The following SLC25A40 variants were observed in gnomAD, a reference collection of about 807,000 sequenced individuals.
SLC25A40 encodes mitochondrial glutathione transporter SLC25A40.
A neutral mutation model predicts 46.5 loss-of-function variants in SLC25A40; 41 were observed. That is an observed-to-expected ratio of 0.88 (90% CI 0.69 to 1.14). The LOEUF (loss-of-function observed/expected upper bound fraction) is 1.14. Ranked by LOEUF, SLC25A40 falls within the 50% of genes most tolerant of loss-of-function variation. SLC25A40 has a pLI of 0.00. For synonymous variants in SLC25A40, 126 were observed against 127.5 expected, an observed-to-expected ratio of 0.99 and a Z score of 0.08; for missense variants, 386 against 393.6, an observed-to-expected ratio of 0.98 and a Z score of 0.16.
At chr7:87,862,689 C>G (rs1168914545) in intron 1 of SLC25A40, among the ~76,000 whole-genome samples, 1 of 152,166 alleles carries the variant, frequency 6.6e-6, no homozygotes, top group East Asian at 1.9e-4. Flanking sequence ...TGTTTTCACA[C>G]TACTGATAAA....
chr7:87,852,339 G>C (rs923728749), intron 5 of SLC25A40, among the ~76,000 whole-genome samples: 5 of 152,180 alleles, frequency 3.3e-5, no homozygotes, highest in African/African-American at 1.2e-4. Flanking sequence ...TCAGCACTTT[G>C]GGAGGCCACG....
At chr7:87,840,407 C>T (rs946685029) in intron 10 of SLC25A40, among the ~76,000 whole-genome samples, 5 of 151,650 alleles carry the variant, frequency 3.3e-5, no homozygotes, top group African/African-American at 9.7e-5. Context: ...TAGTTACCAA[C>T]GTAAGTGGCT....
chr7:87,850,771 A>C (rs1838495547), intron 5 of SLC25A40, among the ~76,000 whole-genome samples: 1 of 151,724 alleles, frequency 6.6e-6, no homozygotes, highest in Non-Finnish European at 1.5e-5. Context: ...CCTGTCTCAA[A>C]AAAAAAAAAG....
At position 87,856,157 on chromosome 7, in the gene SLC25A40, GAA is replaced by G; in HGVS notation, c.157+133_157+134del. 1.3e-5 allele frequency: 9 copies of G among 706,418 alleles called. No homozygotes were observed. In the South Asian group the frequency reaches 1.7e-4, roughly 14 times the overall value. The allele number at this position is 706,418 out of a possible 1,614,324, so 43.8% of individuals were successfully genotyped here. On this transcript the variant is annotated intron_variant, in intron 4 of 11. Coordinates refer to ENST00000341119, the MANE Select transcript of SLC25A40 (RefSeq NM_018843.4). ...ACCTCATCACGTACAACTAAATGGT[GAA>G]AAAAAAAGTTTTTCATGAGGATAAA...
chr7:87,836,379 A>ACTG lies in SLC25A40; in HGVS notation c.905-19_905-18insCAG. The ACTG allele has an allele frequency of 7.1e-7, 1 of 1,411,112 alleles. No individual in the cohort carries two copies. Among genetic ancestry groups the ACTG allele is most frequent in the East Asian group, 2.6e-5 (1 of 38,910 alleles). 87.4% of individuals were successfully genotyped at this position (1,411,112 alleles called of 1,614,324 possible). On this transcript the variant is annotated intron_variant, in intron 11 of 11. Transcript: ENST00000341119. ...AATTAGGCCTGAGAAAAGAATAGGA[A>ACTG]TAATCAAAACAAATATTTTTTTCTT...
chr7:87,871,146 G>A (rs1027310803), intron 1 of SLC25A40, among the ~76,000 whole-genome samples: 5 of 152,204 alleles, frequency 3.3e-5, no homozygotes, highest in Non-Finnish European at 5.9e-5. Context: ...GTGGAACAGC[G>A]AGTGAGTAGA....
intron 6 of SLC25A40, among the ~76,000 whole-genome samples, chr7:87,849,215 C>A (rs978713639): frequency 2.0e-5 from 3 of 152,130 alleles, no homozygotes; most frequent in African/African-American, 7.2e-5. Context: ...GCAAAGACAA[C>A]ACAGCAGGCT....
intron 9 of SLC25A40, among the ~76,000 whole-genome samples, chr7:87,842,718 G>GT (rs543935282): frequency 6.6e-6 from 1 of 151,958 alleles, no homozygotes; most frequent in African/African-American, 2.4e-5. Context: ...ACATTCAGGT[G>GT]TTTTTTCTGT....
At position 87,855,091 on chromosome 7, in the gene SLC25A40, G is replaced by A. The variant is rs1361367723; in HGVS notation, c.158-781C>T. Among the ~76,000 whole-genome samples the A allele has an allele frequency of 2.0e-5, 3 of 151,336 alleles. No homozygotes were observed. The East Asian group carries it at 5.8e-4, about 29-fold the overall frequency. On this transcript the variant is annotated intron_variant, in intron 4 of 11. Coordinates refer to ENST00000341119, the MANE Select transcript of SLC25A40 (RefSeq NM_018843.4). Reference sequence around the variant, plus strand: ...GTGGGAAGATCACCTGAGCCCAGGAGGTCAAGGCTGCAGTGAGCTATGATC... The same window carrying A: ...GTGGGAAGATCACCTGAGCCCAGGAAGTCAAGGCTGCAGTGAGCTATGATC...
At chr7:87,846,693 C>A (rs555663280) in intron 8 of SLC25A40, among the ~76,000 whole-genome samples, 4 of 151,848 alleles carry the variant, frequency 2.6e-5, no homozygotes, top group Admixed American at 1.3e-4. Flanking sequence ...AGTTTGCATT[C>A]TCTGAATATG....
intron 1 of SLC25A40, among the ~76,000 whole-genome samples, chr7:87,874,332 A>G (rs1304750640): frequency 6.6e-6 from 1 of 152,196 alleles, no homozygotes; most frequent in African/African-American, 2.4e-5. Context: ...TTTTTAAAAA[A>G]AAGTTCCTCA....
chr7:87,868,862 C>T (rs928792567), intron 1 of SLC25A40, among the ~76,000 whole-genome samples: 2 of 152,156 alleles, frequency 1.3e-5, no homozygotes, highest in African/African-American at 4.8e-5. Flanking sequence ...AGCTCCTCTC[C>T]TCTCCCCAAA....
chr7:87,842,610 AT>A (rs1452786717), intron 9 of SLC25A40, among the ~76,000 whole-genome samples: 2 of 152,032 alleles, frequency 1.3e-5, no homozygotes, highest in African/African-American at 2.4e-5. Context: ...ATTATCTATC[AT>A]GTAGTAGCTA....
intron 1 of SLC25A40, among the ~76,000 whole-genome samples, chr7:87,868,391 C>A (rs1410137441): frequency 2.0e-5 from 3 of 152,104 alleles, no homozygotes; most frequent in Non-Finnish European, 4.4e-5. Context: ...GTGGACCCTG[C>A]CACCTTGATA....
intron 10 of SLC25A40, among the ~76,000 whole-genome samples, chr7:87,838,783 GTCC>G (rs933921145): frequency 1.4e-4 from 21 of 151,154 alleles, no homozygotes; most frequent in Admixed American, 9.3e-4. Flanking sequence ...ACTCTTCTTT[GTCC>G]TCCTTTTAAA....
Position 87,843,783 on chromosome 7 carries a change from T to G in SLC25A40, c.712A>C (p.Asn238His). ...CCAGACAATGCCCCTGAAGTAAAGTTGATCATAAATGTTGGCTCATATAAA... is the reference window on the plus strand; with the variant it reads ...CCAGACAATGCCCCTGAAGTAAAGTGGATCATAAATGTTGGCTCATATAAA... ...SGLYEPTFMINFTSGALSGSF... is the reference protein window; with the variant it reads ...SGLYEPTFMIHFTSGALSGSF... Residue 238 changes from asparagine to histidine, a missense_variant, in exon 9 of 12, where the codon AAC (asparagine) becomes CAC (histidine). Coordinates refer to ENST00000341119, the MANE Select transcript of SLC25A40 (RefSeq NM_018843.4). The G allele has an allele frequency of 6.2e-7, 1 of 1,610,734 alleles. No homozygotes were observed. The highest frequency in any genetic ancestry group is 1.1e-5 in the South Asian group (1 of 90,932).
chr7:87,835,914 T>A lies in SLC25A40; in HGVS notation c.*335A>T, dbSNP rs1282356570. The A allele has an allele frequency of 5.2e-6, 1 of 191,474 alleles. No individual in the cohort carries two copies. The highest frequency in any genetic ancestry group is 1.1e-5 in the Non-Finnish European group (1 of 94,388). The allele number at this position is 191,474 out of a possible 1,614,324, so 11.9% of individuals were successfully genotyped here. A position where few individuals can be genotyped will look rare whatever the true frequency, so the allele number is the denominator to read the frequency against. On this transcript the variant is annotated 3_prime_UTR_variant, in exon 12 of 12. Transcript: ENST00000341119. The stretch of plus-strand genomic sequence containing the variant: ...ATCATTCAGCACACAATTCAAAAAG[T>A]TCTGGTGTATTCAACACACTCCCAG...
intron 1 of SLC25A40, among the ~76,000 whole-genome samples, chr7:87,875,584 T>C (rs1219829215): frequency 6.6e-6 from 1 of 151,868 alleles, no homozygotes; most frequent in African/African-American, 2.4e-5. Context: ...TTCCAACTTA[T>C]AAAATTAAAA....
At chr7:87,869,000 A>G (rs1162417309) in intron 1 of SLC25A40, among the ~76,000 whole-genome samples, 1 of 152,182 alleles carries the variant, frequency 6.6e-6, no homozygotes, top group Non-Finnish European at 1.5e-5. Flanking sequence ...GATTCTAAGG[A>G]TTTTAGGAGC....
Sources: allele counts gnomAD v4.1 joint callset (sites outside exome capture counted in the v4.1 genomes callset), GRCh38; gene constraint gnomAD v4.1.1; transcripts MANE v1.5; gene names NCBI Gene and HGNC (gene_info 2026-07-23, HGNC 2026-07-21).